Variants in LIPA observed in about 807,000 individuals in gnomAD.
LIPA encodes the protein lipase A, lysosomal acid type.
LIPA carries 26 observed loss-of-function variants against 40.6 expected under a neutral mutation model. That is an observed-to-expected ratio of 0.64 (90% CI 0.47 to 0.89). The LOEUF (loss-of-function observed/expected upper bound fraction) is 0.89, where lower values mean the gene tolerates loss of function less well. Among genes scored for constraint, LIPA ranks in the 40% least tolerant of loss-of-function variants. LIPA has a pLI of 0.00. For synonymous variants in LIPA, 188 were observed against 168.4 expected, an observed-to-expected ratio of 1.12 and a Z score of -0.90; for missense variants, 455 against 479.6, an observed-to-expected ratio of 0.95 and a Z score of 0.48.
chr10:89,295,015 T>TAAAGGAAAGGAAAGGAAAG (rs1843404066), intron 1 of LIPA, among the ~76,000 whole-genome samples: 1 of 60,260 alleles, frequency 1.7e-5, no homozygotes, highest in Non-Finnish European at 3.5e-5. Flanking sequence ...GGAAAGGAAA[T>TAAAGGAAAGGAAAGGAAAG]GAAATGAAAG....
intron 1 of LIPA, among the ~76,000 whole-genome samples, chr10:89,263,648 G>A (rs1270347072): frequency 6.6e-6 from 1 of 152,250 alleles, no homozygotes; most frequent in African/African-American, 2.4e-5. Context: ...AAGATCCTTA[G>A]GGTGTCACTT....
chr10:89,328,160 C>A, intron 1 of LIPA: 1 of 1,245,474 alleles, frequency 8.0e-7, no homozygotes, highest in South Asian at 1.2e-5. Flanking sequence ...AGGCACATTC[C>A]TGAATTGTCC....
chr10:89,223,700 T>C lies in LIPA; in HGVS notation c.806A>G (p.Glu269Gly). 6.2e-7 allele frequency: 1 copy of C among 1,612,066 alleles called. No individual in the cohort carries two copies. Among genetic ancestry groups the C allele is most frequent in the Non-Finnish European group, 8.5e-7 (1 of 1,178,270 alleles). ...CATGCATACCATATTTAAATTTCTCTCATTAAATCCACACAGAAGAAAACA... is the reference window on the plus strand; with the variant it reads ...CATGCATACCATATTTAAATTTCTCCCATTAAATCCACACAGAAGAAAACA... Reference protein sequence around the residue: ...NLCFLLCGFNERNLNMSRVDV... With the variant: ...NLCFLLCGFNGRNLNMSRVDV... The change falls in exon 7 of 10, where the codon GAG becomes GGG. Residue 269 changes from glutamate (E) to glycine (G), a missense_variant. Transcript: ENST00000336233.
At chr10:89,354,483 G>C (rs12264051) in intron 2 of LIPA, among the ~76,000 whole-genome samples, 4,618 of 152,292 alleles carry the variant, frequency 0.03, 127 homozygotes, top group African/African-American at 0.071. Flanking sequence ...TTCATTGACA[G>C]ACACAAGACT....
intron 1 of LIPA, among the ~76,000 whole-genome samples, chr10:89,272,062 C>T (rs1417725534): frequency 6.6e-6 from 1 of 151,262 alleles, no homozygotes; most frequent in African/African-American, 2.4e-5. Flanking sequence ...CAGAGTGAGA[C>T]TCTGTCTTAA....
chr10:89,386,340 C>T (rs2047317370), intron 2 of LIPA, among the ~76,000 whole-genome samples: 1 of 152,142 alleles, frequency 6.6e-6, no homozygotes, highest in Non-Finnish European at 1.5e-5. Context: ...AGTGGGGAGG[C>T]AGGGGAGTGG....
upstream of LIPA, chr10:89,414,624 T>TG (rs1056057254): frequency 1.3e-5 from 7 of 547,126 alleles, no homozygotes; most frequent in Non-Finnish European, 2.1e-5. Context: ...TTGCTGGGGC[T>TG]GGGGTCTCTC....
intron 1 of LIPA, among the ~76,000 whole-genome samples, chr10:89,262,694 A>G (rs1843216929): frequency 6.6e-6 from 1 of 152,232 alleles, no homozygotes; most frequent in Admixed American, 6.5e-5. Context: ...CTACTAAATC[A>G]GAGTGCAAAT....
intron 3 of LIPA, among the ~76,000 whole-genome samples, chr10:89,230,329 T>C (rs922165098): frequency 6.6e-6 from 1 of 152,142 alleles, no homozygotes; most frequent in African/African-American, 2.4e-5. Context: ...TTGATTGAGA[T>C]AGGATGTTGC....
chr10:89,349,311 C>G (rs922844263), intron 2 of LIPA, among the ~76,000 whole-genome samples: 7 of 151,606 alleles, frequency 4.6e-5, no homozygotes, highest in African/African-American at 1.7e-4. Context: ...AAGTAAGTTG[C>G]CTACATCTCC....
At chr10:89,406,767 T>C (rs1309195938) in intron 2 of LIPA, among the ~76,000 whole-genome samples, 1 of 152,168 alleles carries the variant, frequency 6.6e-6, no homozygotes. Flanking sequence ...ACACTCACTG[T>C]GAGGGTCCGC....
chr10:89,374,524 A>C (rs1264714332), intron 2 of LIPA, among the ~76,000 whole-genome samples: 1 of 152,132 alleles, frequency 6.6e-6, no homozygotes, highest in Non-Finnish European at 1.5e-5. Context: ...CATGACAAAC[A>C]CTCACTCTGT....
intron 1 of LIPA, among the ~76,000 whole-genome samples, chr10:89,265,802 A>G (rs1395118569): frequency 6.6e-6 from 1 of 152,238 alleles, no homozygotes; most frequent in African/African-American, 2.4e-5. Flanking sequence ...CTAGTTAATG[A>G]GAGAGACCTC....
chr10:89,219,284 C>T (rs1842666899), intron 8 of LIPA, among the ~76,000 whole-genome samples: 2 of 152,176 alleles, frequency 1.3e-5, no homozygotes, highest in Middle Eastern at 3.4e-3. Flanking sequence ...GGCCCAAGAA[C>T]CAGTATTTTT....
At chr10:89,222,856 C>T (rs1057071303) in intron 7 of LIPA, among the ~76,000 whole-genome samples, 1 of 152,190 alleles carries the variant, frequency 6.6e-6, no homozygotes, top group Non-Finnish European at 1.5e-5. Flanking sequence ...GTTCTTCATG[C>T]TTTCCTGAAT....
chr10:89,395,582 A>G (rs1844330765), intron 2 of LIPA, among the ~76,000 whole-genome samples: 1 of 152,206 alleles, frequency 6.6e-6, no homozygotes, highest in South Asian at 2.1e-4. Flanking sequence ...GTAGAAATAA[A>G]CTAAACACAG....
At chr10:89,342,811 A>C (rs1843884465), upstream of LIPA, 1 of 152,304 alleles carries the variant, frequency 6.6e-6, no homozygotes, top group Non-Finnish European at 1.5e-5. Flanking sequence ...GAAGTCAGCT[A>C]TTGGCTGTGT....
intron 1 of LIPA, among the ~76,000 whole-genome samples, chr10:89,304,605 A>T (rs1843466455): frequency 6.6e-6 from 1 of 152,214 alleles, no homozygotes; most frequent in South Asian, 2.1e-4. Context: ...ACCACGAAAA[A>T]AAAATTTAAA....
chr10:89,349,526 T>C (rs1589618587), intron 2 of LIPA, among the ~76,000 whole-genome samples: 1 of 152,222 alleles, frequency 6.6e-6, no homozygotes, highest in Admixed American at 6.5e-5. Flanking sequence ...TCCCCCTACC[T>C]TACTAAGGTG....
Sources: gnomAD v4.1 joint callset for allele counts (sites outside exome capture counted in the v4.1 genomes callset) on GRCh38, gnomAD v4.1.1 for gene constraint, MANE v1.5 for transcripts, NCBI Gene and HGNC (gene_info 2026-07-23, HGNC 2026-07-21) for gene names.